The following ADAMTSL1 variants were observed in gnomAD, a reference collection of about 807,000 sequenced individuals.
ADAMTSL1 encodes the protein ADAMTS-like protein 1.
Under a neutral mutation model 201.8 loss-of-function variants are expected in ADAMTSL1, and 126 were observed. The ratio of observed to expected loss-of-function variants is 0.62; its 90% CI spans 0.54 to 0.72. The LOEUF is 0.72. Ranked by LOEUF, ADAMTSL1 falls within the 30% of genes least tolerant of loss-of-function variation. The pLI is 0.00. For synonymous variants in ADAMTSL1, 1,121 were observed against 903.4 expected (o/e 1.24, Z -4.32); for missense variants, 2,679 against 2,277.8 (o/e 1.18, Z -3.59).
chr9:18,324,256 T>C (rs1052902303), intron 2 of ADAMTSL1, among the ~76,000 whole-genome samples: 1 of 152,098 alleles, frequency 6.6e-6, no homozygotes, highest in African/African-American at 2.4e-5. Flanking sequence ...TGGATAAACA[T>C]ATGGGAAAAA....
At chr9:18,151,100 A>G (rs1944748) in intron 1 of ADAMTSL1, among the ~76,000 whole-genome samples, 66,421 of 151,648 alleles carry the variant, frequency 0.44, 14,970 homozygotes, top group Admixed American at 0.54. Context: ...TGTGTTACCT[A>G]GTCCATCTAT....
chr9:18,102,386 T>C (rs980982300), intron 1 of ADAMTSL1, among the ~76,000 whole-genome samples: 25 of 152,192 alleles, frequency 1.6e-4, no homozygotes, highest in African/African-American at 5.8e-4. Flanking sequence ...GAAACAGACA[T>C]GGTATTTTTC....
intron 5 of ADAMTSL1, 60 bp from the exon 6 acceptor site, chr9:18,635,883 G>T (rs769428353): frequency 1.5e-5 from 22 of 1,439,162 alleles, no homozygotes; most frequent in Non-Finnish European, 1.9e-5. Context: ...TATTTAGAAG[G>T]CAATCAATAA....
intron 1 of ADAMTSL1, among the ~76,000 whole-genome samples, chr9:18,478,970 C>G (rs1474642506): frequency 1.3e-5 from 2 of 152,098 alleles, no homozygotes; most frequent in Non-Finnish European, 2.9e-5. Context: ...GCTTGATTGG[C>G]AGTACTGGCT....
intron 4 of ADAMTSL1, among the ~76,000 whole-genome samples, chr9:18,603,341 ATATG>A: frequency 8.4e-6 from 1 of 118,566 alleles, no homozygotes; most frequent in African/African-American, 3.4e-5. Flanking sequence ...CTCCAAAGCT[ATATG>A]CTATGCTATG....
intron 2 of ADAMTSL1, among the ~76,000 whole-genome samples, chr9:18,203,130 C>T (rs1226347413): frequency 2.0e-5 from 3 of 152,066 alleles, no homozygotes; most frequent in African/African-American, 7.2e-5. Flanking sequence ...GCACAAAGGC[C>T]GTGCTCATGC....
At chr9:18,088,503 A>C (rs963836419) in intron 1 of ADAMTSL1, among the ~76,000 whole-genome samples, 1 of 152,202 alleles carries the variant, frequency 6.6e-6, no homozygotes, top group African/African-American at 2.4e-5. Context: ...TATATTCGAT[A>C]AGGAGTTAAA....
At chr9:18,203,004 C>A (rs1193306979) in intron 2 of ADAMTSL1, among the ~76,000 whole-genome samples, 1 of 152,074 alleles carries the variant, frequency 6.6e-6, no homozygotes, top group African/African-American at 2.4e-5. Context: ...GGCCACAAAT[C>A]ATCTGAAGAC....
intron 2 of ADAMTSL1, among the ~76,000 whole-genome samples, chr9:18,291,937 C>T (rs1414428750): frequency 6.6e-6 from 1 of 152,072 alleles, no homozygotes; most frequent in Non-Finnish European, 1.5e-5. Flanking sequence ...CATGCAACAT[C>T]TCATCAGCCA....
intron 2 of ADAMTSL1, among the ~76,000 whole-genome samples, chr9:18,273,242 G>A (rs541402877): frequency 3.3e-4 from 50 of 152,226 alleles, no homozygotes; most frequent in African/African-American, 1.1e-3. Context: ...ACCATGCCTG[G>A]TATATTTTTT....
chr9:18,312,006 A>G (rs758638402), intron 2 of ADAMTSL1, among the ~76,000 whole-genome samples: 2 of 152,218 alleles, frequency 1.3e-5, no homozygotes, highest in African/African-American at 4.8e-5. Flanking sequence ...ACTAATGATA[A>G]AACAGCAATT....
At chr9:18,122,504 T>G (rs919276526) in intron 1 of ADAMTSL1, among the ~76,000 whole-genome samples, 2 of 152,190 alleles carry the variant, frequency 1.3e-5, no homozygotes, top group African/African-American at 4.8e-5. Context: ...ATGGTGAAAT[T>G]TTTTAGCTGT....
intron 19 of ADAMTSL1, among the ~76,000 whole-genome samples, chr9:18,785,151 G>A (rs1422138952): frequency 1.4e-5 from 2 of 144,540 alleles, no homozygotes; most frequent in Non-Finnish European, 3.0e-5. Flanking sequence ...GTGACACAGT[G>A]AGACTCCGTC....
At chr9:18,477,523 T>C (rs1821512582) in intron 1 of ADAMTSL1, among the ~76,000 whole-genome samples, 1 of 152,204 alleles carries the variant, frequency 6.6e-6, no homozygotes, top group Non-Finnish European at 1.5e-5. Flanking sequence ...GGAATGAATG[T>C]TAAGTCCCTT....
chr9:18,895,967 A>T (rs1829611007), intron 26 of ADAMTSL1, among the ~76,000 whole-genome samples: 1 of 152,236 alleles, frequency 6.6e-6, no homozygotes, highest in Non-Finnish European at 1.5e-5. Flanking sequence ...AACTGAATTG[A>T]AAATTTTACT....
intron 3 of ADAMTSL1, among the ~76,000 whole-genome samples, chr9:18,570,021 GGTAA>G (rs1194849408): frequency 6.6e-6 from 1 of 151,950 alleles, no homozygotes; most frequent in Non-Finnish European, 1.5e-5. Context: ...AGAAAAAGAT[GGTAA>G]GTATTTTTCA....
chr9:18,807,589 T>C (rs971812805), intron 20 of ADAMTSL1, among the ~76,000 whole-genome samples: 7 of 146,032 alleles, frequency 4.8e-5, no homozygotes, highest in African/African-American at 1.8e-4. Flanking sequence ...GAGCTTGCAG[T>C]GAGCCGAGAT....
At chr9:18,333,418 T>A (rs7859867) in intron 2 of ADAMTSL1, among the ~76,000 whole-genome samples, 3 of 152,126 alleles carry the variant, frequency 2.0e-5, no homozygotes, top group African/African-American at 7.2e-5. Flanking sequence ...CATTCCACTA[T>A]GATTGTAAGT....
chr9:18,257,322 TCAAAA>T (rs2132518018), intron 2 of ADAMTSL1, among the ~76,000 whole-genome samples: 1 of 152,252 alleles, frequency 6.6e-6, no homozygotes, highest in East Asian at 1.9e-4. Context: ...GGCAGAGAAT[TCAAAA>T]CAAAATCCAA....
Sources: allele counts gnomAD v4.1 joint callset (sites outside exome capture counted in the v4.1 genomes callset), GRCh38; gene constraint gnomAD v4.1.1; transcripts MANE v1.5; gene names NCBI Gene and HGNC (gene_info 2026-07-23, HGNC 2026-07-21).